Variants in PPP1R2 observed in about 807,000 individuals in gnomAD.
PPP1R2 encodes protein phosphatase 1 regulatory inhibitor subunit 2.
In PPP1R2, 16 loss-of-function variants were observed where a neutral mutation model predicts 29.9. The observed-to-expected ratio is 0.53, with a 90% confidence interval of 0.36 to 0.81. PPP1R2 has a LOEUF of 0.81. Among genes scored for constraint, PPP1R2 ranks in the 30% least tolerant of loss-of-function variants. The probability of loss-of-function intolerance (pLI) is 0.00; values close to 1 mark genes in which losing one functional copy is unlikely to be tolerated. For missense variants in PPP1R2, 197 were observed against 252.7 expected, an observed-to-expected ratio of 0.78 and a Z score of 1.49; for synonymous variants, 76 against 91.5, an observed-to-expected ratio of 0.83 and a Z score of 0.96.
At chr3:195,538,749 T>C (rs1056807981) in intron 1 of PPP1R2, among the ~76,000 whole-genome samples, 1 of 152,184 alleles carries the variant, frequency 6.6e-6, no homozygotes, top group African/African-American at 2.4e-5. Context: ...CGCTGAGATA[T>C]GGAAAAAATG....
intron 5 of PPP1R2, 114 bp downstream of exon 5, chr3:195,518,904 A>C: frequency 1.3e-6 from 2 of 1,483,602 alleles, no homozygotes; most frequent in African/African-American, 1.4e-5. Context: ...TGGTATAATA[A>C]AGCGAATCTC....
rs1411284988 is a variant in PPP1R2, at chr3:195,530,604, C to T, written c.123-703G>A. Among the ~76,000 whole-genome samples the T allele has an allele frequency of 3.4e-4, 52 of 152,070 alleles. 1 individual carries two copies. The highest frequency in any genetic ancestry group is 3.4e-3 in the Admixed American group (52 of 15,276). On this transcript the variant is annotated intron_variant, in intron 1 of 5. Transcript: ENST00000618156. ...ACAGTGGCGCCATCTCGGCTCACTG[C>T]AACTTCCACCTTCCCTGTTCATGCG...
chr3:195,518,551 T>C (rs536719433), intron 5 of PPP1R2, among the ~76,000 whole-genome samples: 2 of 151,382 alleles, frequency 1.3e-5, no homozygotes, highest in African/African-American at 4.9e-5. Context: ...CTCGGGAGGC[T>C]GAGGCAGGAG....
Position 195,519,192 on chromosome 3 carries a change from G to A in PPP1R2, c.404-7C>T. On this transcript the variant is annotated splice_polypyrimidine_tract_variant and splice_region_variant and intron_variant, in intron 4 of 5. Coordinates refer to ENST00000618156, the MANE Select transcript of PPP1R2 (RefSeq NM_006241.8). Reference sequence around the variant, plus strand: ...TCAAATTGTCGCTTTTTTTCTATAAGATGCAAAATGTAAACTTAGGAAGTT... The same window carrying A: ...TCAAATTGTCGCTTTTTTTCTATAAAATGCAAAATGTAAACTTAGGAAGTT... 2 of 1,585,590 alleles carry A rather than the reference G, an allele frequency of 1.3e-6. No individual in the cohort carries two copies. Among genetic ancestry groups the A allele is most frequent in the Non-Finnish European group, 8.6e-7 (1 of 1,166,092 alleles).
intron 5 of PPP1R2, among the ~76,000 whole-genome samples, chr3:195,517,765 C>T (rs186121830): frequency 6.6e-6 from 1 of 152,196 alleles, no homozygotes; most frequent in African/African-American, 2.4e-5. Context: ...AAACATGCCA[C>T]AGCTACTATG....
chr3:195,531,014 G>C (rs1263833411), intron 1 of PPP1R2, among the ~76,000 whole-genome samples: 1 of 150,948 alleles, frequency 6.6e-6, no homozygotes, highest in African/African-American at 2.4e-5. Flanking sequence ...GTAGAGACGG[G>C]GTTTCACCAT....
intron 5 of PPP1R2, among the ~76,000 whole-genome samples, chr3:195,518,122 G>C (rs942818165): frequency 1.3e-5 from 2 of 152,064 alleles, no homozygotes; most frequent in African/African-American, 4.8e-5. Context: ...TAGTGATGCA[G>C]AAGATTCACT....
intron 4 of PPP1R2, 58 bp from the exon 5 acceptor site, chr3:195,519,243 G>T: frequency 1.6e-6 from 2 of 1,257,538 alleles, no homozygotes; most frequent in African/African-American, 1.5e-5. Flanking sequence ...GCCCATGCCT[G>T]TTTTATAAAT....
At chr3:195,536,295 A>C (rs1719381437) in intron 1 of PPP1R2, among the ~76,000 whole-genome samples, 1 of 7,438 alleles carries the variant, frequency 1.3e-4, no homozygotes. Context: ...CCTGTCTTTA[A>C]AAAAAAAAAA....
At chr3:195,523,167 C>A (rs1009868372) in intron 4 of PPP1R2, 3 of 157,760 alleles carry the variant, frequency 1.9e-5, no homozygotes, top group Admixed American at 1.2e-4. Flanking sequence ...GCCTACGAGA[C>A]CCTCTTCCAT....
At chr3:195,534,115 G>C (rs1719285495) in intron 1 of PPP1R2, among the ~76,000 whole-genome samples, 2 of 152,124 alleles carry the variant, frequency 1.3e-5, no homozygotes, top group Non-Finnish European at 2.9e-5. Flanking sequence ...AGGAGTTTGA[G>C]AACAGCTTGG....
chr3:195,522,240 A>G (rs1718788465), intron 4 of PPP1R2, among the ~76,000 whole-genome samples: 1 of 152,208 alleles, frequency 6.6e-6, no homozygotes, highest in Non-Finnish European at 1.5e-5. Flanking sequence ...GCCAAGTGGC[A>G]TACCTGGAGC....
intron 5 of PPP1R2, among the ~76,000 whole-genome samples, chr3:195,517,418 G>GC (rs1316771799): frequency 1.3e-5 from 2 of 151,946 alleles, no homozygotes; most frequent in African/African-American, 4.8e-5. Flanking sequence ...AATGTTAAGG[G>GC]CCCAAAAAGG....
intron 2 of PPP1R2, among the ~76,000 whole-genome samples, chr3:195,525,807 A>T (rs1486961425): frequency 2.0e-5 from 3 of 152,334 alleles, no homozygotes; most frequent in Non-Finnish European, 4.4e-5. Flanking sequence ...CTGCCAGTTT[A>T]TACATTTCCT....
intron 1 of PPP1R2, among the ~76,000 whole-genome samples, chr3:195,535,260 T>C (rs1380176718): frequency 2.0e-5 from 3 of 152,156 alleles, no homozygotes; most frequent in Admixed American, 1.3e-4. Flanking sequence ...TCACCATTGA[T>C]CTGACAGGAG....
At chr3:195,525,330 T>C (rs1718923251) in intron 2 of PPP1R2, among the ~76,000 whole-genome samples, 2 of 152,192 alleles carry the variant, frequency 1.3e-5, no homozygotes, top group Admixed American at 1.3e-4. Flanking sequence ...ATTTAACACA[T>C]ACAGGAGGAT....
intron 1 of PPP1R2, among the ~76,000 whole-genome samples, chr3:195,537,246 T>C (rs1193960492): frequency 6.6e-6 from 1 of 152,188 alleles, no homozygotes; most frequent in East Asian, 1.9e-4. Flanking sequence ...ATAAGATTCA[T>C]TTAGATTGAT....
intron 5 of PPP1R2, among the ~76,000 whole-genome samples, chr3:195,517,774 T>C (rs966310268): frequency 7.9e-5 from 12 of 152,080 alleles, no homozygotes; most frequent in African/African-American, 2.9e-4. Flanking sequence ...ACAGCTACTA[T>C]GTAAGATGAA....
In PPP1R2 at chr3:195,515,505, T is replaced by C. The variant is rs1718512442; in HGVS notation, c.*1391A>G. 1.3e-5 allele frequency: 2 copies of C among 152,594 alleles called. No homozygotes were observed. Among genetic ancestry groups the C allele is most frequent in the Non-Finnish European group, 1.5e-5 (1 of 68,006 alleles). The allele number at this position is 152,594 out of a possible 1,614,324, so 9.5% of individuals were successfully genotyped here. A position where few individuals can be genotyped will look rare whatever the true frequency, so the allele number is the denominator to read the frequency against. The stretch of plus-strand genomic sequence containing the variant: ...ACAAAAGTTGTACACAATTCATCAA[T>C]TGTATGGCTAGAAATGAAACCATAA... On this transcript the variant is annotated 3_prime_UTR_variant, in exon 6 of 6. Coordinates refer to ENST00000618156, the MANE Select transcript of PPP1R2 (RefSeq NM_006241.8).
Sources: gnomAD v4.1 joint callset for allele counts (sites outside exome capture counted in the v4.1 genomes callset) on GRCh38, gnomAD v4.1.1 for gene constraint, MANE v1.5 for transcripts, NCBI Gene and HGNC (gene_info 2026-07-23, HGNC 2026-07-21) for gene names.